The following GXYLT2 variants were observed in gnomAD, a reference collection of about 807,000 sequenced individuals.
The protein encoded by GXYLT2 is glycosyltransferase 8 domain containing 4.
In GXYLT2, 53 loss-of-function variants were observed where a neutral mutation model predicts 45.8. The ratio of observed to expected loss-of-function variants is 1.16; its 90% CI spans 0.93 to 1.46. The LOEUF (loss-of-function observed/expected upper bound fraction) is 1.46, where lower values mean the gene tolerates loss of function less well. Ranked by LOEUF, GXYLT2 falls within the 40% of genes most tolerant of loss-of-function variation. GXYLT2 has a pLI of 0.00. For missense variants in GXYLT2, 551 were observed against 544.4 expected (o/e 1.01, Z -0.12); for synonymous variants, 219 against 214.2 (o/e 1.02, Z -0.19).
At chr3:72,967,887 A>G (rs1032984338) in intron 6 of GXYLT2, among the ~76,000 whole-genome samples, 168 bp downstream of exon 6, 15 of 152,176 alleles carry the variant, frequency 9.9e-5, no homozygotes, top group African/African-American at 3.6e-4. Flanking sequence ...GCCACCTTGT[A>G]CTATGTCATA....
intron 5 of GXYLT2, among the ~76,000 whole-genome samples, chr3:72,964,528 G>A (rs532304903): frequency 1.1e-3 from 164 of 151,860 alleles, no homozygotes; most frequent in Non-Finnish European, 1.7e-3. Context: ...TCACCATGTT[G>A]GCCAGGCTGG....
At chr3:72,936,020 G>A (rs1212906682) in intron 3 of GXYLT2, among the ~76,000 whole-genome samples, 1 of 152,166 alleles carries the variant, frequency 6.6e-6, no homozygotes, top group South Asian at 2.1e-4. Context: ...CGCCGGGCGC[G>A]GTGGCTCACG....
chr3:72,924,739 G>C (rs991628116), intron 3 of GXYLT2, among the ~76,000 whole-genome samples: 3 of 152,004 alleles, frequency 2.0e-5, no homozygotes, highest in Non-Finnish European at 4.4e-5. Context: ...AGTTGAAGGG[G>C]GAGTGACATG....
chr3:72,944,369 C>T (rs1026582098), intron 3 of GXYLT2, among the ~76,000 whole-genome samples: 4 of 152,000 alleles, frequency 2.6e-5, no homozygotes, highest in Non-Finnish European at 5.9e-5. Flanking sequence ...ATTCTCCTGC[C>T]TCAGCCTCCC....
chr3:72,951,392 A>T (rs1710522321), intron 3 of GXYLT2, among the ~76,000 whole-genome samples: 1 of 152,192 alleles, frequency 6.6e-6, no homozygotes, highest in Non-Finnish European at 1.5e-5. Context: ...GTAACTAATT[A>T]TACTTGACAT....
At chr3:72,920,730 T>C (rs137888981) in intron 2 of GXYLT2, among the ~76,000 whole-genome samples, 5 of 152,024 alleles carry the variant, frequency 3.3e-5, no homozygotes, top group African/African-American at 9.6e-5. Flanking sequence ...TCACCAGCTA[T>C]AGAGTGCCCA....
chr3:72,937,692 A>G (rs1710217826), intron 3 of GXYLT2, among the ~76,000 whole-genome samples: 1 of 152,222 alleles, frequency 6.6e-6, no homozygotes, highest in Non-Finnish European at 1.5e-5. Context: ...CTCTACTTGT[A>G]GAAGACATTC....
Position 72,975,946 on chromosome 3 carries a change from T to TTTTTTTTTTGTTTC in GXYLT2, c.*790_*791insTTTTTTGTTTCTTT, listed in dbSNP as rs1559537589. On this transcript the variant is annotated 3_prime_UTR_variant, in exon 7 of 7. Coordinates refer to ENST00000389617, the MANE Select transcript of GXYLT2 (RefSeq NM_001080393.2). ...TCTTTCTTTTTTTTTTTTTTTTTTTTTTTGAGACGGAATCTCACTCTGTAG... is the reference window on the plus strand; with the variant it reads ...TCTTTCTTTTTTTTTTTTTTTTTTTTTTTTTTTTTGTTTCTTTGAGACGGAATCTCACTCTGTAG... The TTTTTTTTTTGTTTC allele has an allele frequency of 7.7e-6, 1 of 129,604 alleles. No individual in the cohort carries two copies. 8.0% of individuals were successfully genotyped at this position (129,604 alleles called of 1,614,324 possible).
At chr3:72,913,487 G>C (rs1182671640) in intron 2 of GXYLT2, among the ~76,000 whole-genome samples, 1 of 151,834 alleles carries the variant, frequency 6.6e-6, no homozygotes, top group Non-Finnish European at 1.5e-5. Flanking sequence ...CTGAGGTCCG[G>C]AGTTCGAGAC....
intron 2 of GXYLT2, among the ~76,000 whole-genome samples, chr3:72,912,706 T>C (rs917088341): frequency 6.6e-6 from 1 of 152,090 alleles, no homozygotes; most frequent in Non-Finnish European, 1.5e-5. Context: ...CGTCTAGACA[T>C]GTGAGTGAAT....
Position 72,955,127 on chromosome 3 carries a change from C to G in GXYLT2, c.630C>G (p.Leu210=). The change falls in exon 4 of 7, where the codon CTC becomes CTG. Residue 210 remains leucine (L), a synonymous_variant. Transcript: ENST00000389617. ...PVILKDVDSL[L]YVDTDVLFLR... ...TTTTAAAGGATGTGGACTCACTTCT[C>G]TACGTGGACACCGATGTCCTCTTTC... 1 of 1,613,998 alleles carries G rather than the reference C, an allele frequency of 6.2e-7. No individual in the cohort carries two copies. The highest frequency in any genetic ancestry group is 1.3e-5 in the African/African-American group (1 of 75,062).
chr3:72,970,637 A>C (rs1710971102), intron 6 of GXYLT2, among the ~76,000 whole-genome samples: 1 of 152,132 alleles, frequency 6.6e-6, no homozygotes, highest in East Asian at 1.9e-4. Context: ...AGGTGGGTGG[A>C]TCACCTGAGG....
rs1709973097 is a variant in GXYLT2 at position 72,928,991 on chromosome 3, GCCGCCGCTCCAGCGCCGCGCAGCCA to G, written c.600+6664_600+6688del. 12 of 1,126,226 alleles carry G rather than the reference GCCGCCGCTCCAGCGCCGCGCAGCCA, an allele frequency of 1.1e-5. No homozygotes were observed. In the Middle Eastern group the frequency reaches 8.5e-4, roughly 80 times the overall value. The allele number at this position is 1,126,226 out of a possible 1,614,324, so 69.8% of individuals were successfully genotyped here. Reference sequence around the variant, plus strand: ...CGCCCTCGGTACCGCCCCAAGGCCCGCCGCCGCTCCAGCGCCGCGCAGCCACCGCCGCCTCTCCTTAGCCGCCGCC... The same window carrying G: ...CGCCCTCGGTACCGCCCCAAGGCCCGCCGCCGCCTCTCCTTAGCCGCCGCC... On this transcript the variant is annotated intron_variant, in intron 3 of 6. Transcript: ENST00000389617.
chr3:72,966,088 C>T (rs9816669), intron 5 of GXYLT2, among the ~76,000 whole-genome samples: 25,075 of 151,958 alleles, frequency 0.17, 3,150 homozygotes, highest in East Asian at 0.38. Context: ...TCTAGATTCT[C>T]GTGCCTCAGC....
At chr3:72,971,266 C>T (rs1710981750) in intron 6 of GXYLT2, among the ~76,000 whole-genome samples, 2 of 152,200 alleles carry the variant, frequency 1.3e-5, no homozygotes, top group African/African-American at 4.8e-5. Context: ...TTAGTACACT[C>T]CATGATTTTC....
At chr3:72,930,659 T>C (rs1290064646) in intron 3 of GXYLT2, among the ~76,000 whole-genome samples, 2 of 143,162 alleles carry the variant, frequency 1.4e-5, no homozygotes, top group African/African-American at 5.2e-5. Flanking sequence ...AGTGGTATGA[T>C]CATGGCTCAC....
At chr3:72,912,015 T>TA (rs1559731120) in intron 2 of GXYLT2, among the ~76,000 whole-genome samples, 68 of 116,114 alleles carry the variant, frequency 5.9e-4, no homozygotes, top group East Asian at 1.6e-3. Context: ...ATATATATAT[T>TA]TTTTTTTTTT....
intron 2 of GXYLT2, among the ~76,000 whole-genome samples, chr3:72,919,971 C>A (rs1335134936): frequency 6.6e-6 from 1 of 152,138 alleles, no homozygotes; most frequent in African/African-American, 2.4e-5. Context: ...ATTGACTTAT[C>A]AGTTGTAACA....
At chr3:72,965,913 G>A (rs1710857293) in intron 5 of GXYLT2, among the ~76,000 whole-genome samples, 1 of 152,140 alleles carries the variant, frequency 6.6e-6, no homozygotes, top group South Asian at 2.1e-4. Flanking sequence ...CCTTGGCACA[G>A]GGCTTTTTTT....
Sources: gnomAD v4.1 joint callset for allele counts (sites outside exome capture counted in the v4.1 genomes callset) on GRCh38, gnomAD v4.1.1 for gene constraint, MANE v1.5 for transcripts, NCBI Gene and HGNC (gene_info 2026-07-23, HGNC 2026-07-21) for gene names.